TMEM132B: variants seen among roughly 807,000 people sequenced by gnomAD.
TMEM132B encodes the protein transmembrane protein 132B.
Under a neutral mutation model 90.8 loss-of-function variants are expected in TMEM132B, and 18 were observed. That is an observed-to-expected ratio of 0.20 (90% CI 0.14 to 0.29). The LOEUF is 0.29. TMEM132B is among the 10% of genes least tolerant of loss of function. The probability of loss-of-function intolerance (pLI) is 1.00; values close to 1 mark genes in which losing one functional copy is unlikely to be tolerated. For missense variants in TMEM132B, 1,096 were observed against 1,326.8 expected, an observed-to-expected ratio of 0.83 and a Z score of 2.70; for synonymous variants, 504 against 523.3, an observed-to-expected ratio of 0.96 and a Z score of 0.50.
chr12:125,596,485 A>G (rs1283458065), intron 5 of TMEM132B, among the ~76,000 whole-genome samples: 1 of 152,212 alleles, frequency 6.6e-6, no homozygotes, highest in African/African-American at 2.4e-5. Context: ...TTCAACATTT[A>G]ACTTGAAATG....
At chr12:125,219,937 C>T (rs1873522100) in intron 1 of TMEM132B, among the ~76,000 whole-genome samples, 1 of 152,206 alleles carries the variant, frequency 6.6e-6, no homozygotes, top group African/African-American at 2.4e-5. Context: ...ATAGCGACAG[C>T]TAACATTTTT....
At chr12:125,507,945 T>A (rs923131020) in intron 3 of TMEM132B, among the ~76,000 whole-genome samples, 5 of 152,092 alleles carry the variant, frequency 3.3e-5, no homozygotes, top group African/African-American at 1.2e-4. Flanking sequence ...CAAGAGACGA[T>A]GGTGACTTGG....
chr12:125,223,386 C>T (rs1451071901), intron 1 of TMEM132B, among the ~76,000 whole-genome samples: 5 of 152,168 alleles, frequency 3.3e-5, no homozygotes, highest in Admixed American at 3.3e-4. Flanking sequence ...TAAGGATTGA[C>T]CTGTAGTTGC....
chr12:125,536,476 C>T (rs1429810877), intron 4 of TMEM132B, among the ~76,000 whole-genome samples: 7 of 152,162 alleles, frequency 4.6e-5, no homozygotes, highest in Middle Eastern at 3.2e-3. Context: ...TGAACTCACT[C>T]GCCAACACTG....
chr12:125,648,575 G>T (rs1886828429), intron 6 of TMEM132B, among the ~76,000 whole-genome samples: 2 of 141,198 alleles, frequency 1.4e-5, no homozygotes, highest in South Asian at 2.3e-4. Flanking sequence ...AGCTTTTAGT[G>T]AATTTCTAAT....
intron 4 of TMEM132B, among the ~76,000 whole-genome samples, chr12:125,569,732 C>G (rs574481187): frequency 6.6e-6 from 1 of 152,066 alleles, no homozygotes; most frequent in South Asian, 2.1e-4. Flanking sequence ...GGAACCAGCA[C>G]GGGAGCTCCT....
At chr12:125,235,802 C>CTTTT (rs61643412) in intron 1 of TMEM132B, among the ~76,000 whole-genome samples, 147 of 107,384 alleles carry the variant, frequency 1.4e-3, no homozygotes, top group African/African-American at 4.2e-3. Flanking sequence ...CACTTCATTC[C>CTTTT]TTTTTTTTTT....
chr12:125,628,346 G>A (rs993508324), intron 5 of TMEM132B, among the ~76,000 whole-genome samples: 1 of 152,144 alleles, frequency 6.6e-6, no homozygotes, highest in South Asian at 2.1e-4. Context: ...CATTTTAACT[G>A]GGGTGAGATA....
chr12:125,493,896 A>G (rs1228826798), intron 3 of TMEM132B, among the ~76,000 whole-genome samples: 2 of 136,968 alleles, frequency 1.5e-5, no homozygotes, highest in South Asian at 2.4e-4. Context: ...CCTCCCTGGA[A>G]ATGGCCATGT....
intron 1 of TMEM132B, among the ~76,000 whole-genome samples, chr12:125,258,371 T>C (rs1283582744): frequency 6.6e-6 from 1 of 152,204 alleles, no homozygotes; most frequent in African/African-American, 2.4e-5. Flanking sequence ...CTGGGAAGGC[T>C]CTATGCTGGT....
At chr12:125,533,407 C>T (rs1256551000) in intron 4 of TMEM132B, among the ~76,000 whole-genome samples, 1 of 152,252 alleles carries the variant, frequency 6.6e-6, no homozygotes, top group East Asian at 1.9e-4. Flanking sequence ...ATTACAGCCT[C>T]TCCCCTTCCC....
At chr12:125,425,895 G>A (rs75114801) in intron 3 of TMEM132B, among the ~76,000 whole-genome samples, 3,531 of 152,276 alleles carry the variant, frequency 0.023, 132 homozygotes, top group African/African-American at 0.079. Context: ...TATGATTAAT[G>A]CTACTATAAA....
chr12:125,346,075 C>A (rs1877352903), intron 1 of TMEM132B, among the ~76,000 whole-genome samples: 1 of 152,118 alleles, frequency 6.6e-6, no homozygotes, highest in Admixed American at 6.5e-5. Flanking sequence ...TATGGCTTTC[C>A]ATATACACTT....
At position 125,498,114 on chromosome 12, in the gene TMEM132B, C is replaced by A. The variant is rs1011607145; in HGVS notation, c.1107-21325C>A. Among the ~76,000 whole-genome samples, 2 of 152,214 alleles carry A rather than the reference C, an allele frequency of 1.3e-5. No homozygotes were observed. Among genetic ancestry groups the A allele is most frequent in the African/African-American group, 4.8e-5 (2 of 41,456 alleles). ...CACACGCTGCTTTATTTACCACTCACTGGCCAAAATTGATCCACATGACCC... is the reference window on the plus strand; with the variant it reads ...CACACGCTGCTTTATTTACCACTCAATGGCCAAAATTGATCCACATGACCC... On this transcript the variant is annotated intron_variant, in intron 3 of 8. Transcript: ENST00000682704. The surrounding 1 kb of genome is among the most constrained non-coding windows in gnomAD (Gnocchi z 4.5).
At chr12:125,618,111 G>C (rs1313798658) in intron 5 of TMEM132B, among the ~76,000 whole-genome samples, 2 of 152,092 alleles carry the variant, frequency 1.3e-5, no homozygotes, top group Non-Finnish European at 2.9e-5. Context: ...TGAGACACCA[G>C]GTGCAGTGGT....
At chr12:125,298,135 G>A (rs1016539541) in intron 1 of TMEM132B, among the ~76,000 whole-genome samples, 10 of 152,146 alleles carry the variant, frequency 6.6e-5, no homozygotes, top group Admixed American at 2.0e-4. Flanking sequence ...GCGAGCCTGT[G>A]TTCCCAGCTA....
Position 125,252,442 on chromosome 12 carries a change from G to A in TMEM132B, c.67+65576G>A, listed in dbSNP as rs375404063. On this transcript the variant is annotated intron_variant, in intron 1 of 8. Transcript: ENST00000682704. ...CTGTCTCTGGTTCTCATTTCCAAGG[G>A]TCCAGGAGAGAGAATCTGATTGGCT... 2.8e-4 allele frequency among the ~76,000 whole-genome samples: 42 copies of A among 152,188 alleles called. 1 individual carries two copies. The highest frequency in any genetic ancestry group is 9.4e-4 in the African/African-American group (39 of 41,514).
chr12:125,494,244 G>C (rs1593173645), intron 3 of TMEM132B, among the ~76,000 whole-genome samples: 1 of 92,218 alleles, frequency 1.1e-5, no homozygotes, highest in African/African-American at 4.4e-5. Flanking sequence ...AAATGGCCGT[G>C]TCCCTCTTCC....
chr12:125,651,579 A>C (rs1438779772), intron 7 of TMEM132B, among the ~76,000 whole-genome samples: 1 of 152,222 alleles, frequency 6.6e-6, no homozygotes, highest in African/African-American at 2.4e-5. Context: ...TGGATGAAAC[A>C]TGGTATGTTC....
Sources: allele counts gnomAD v4.1 joint callset (sites outside exome capture counted in the v4.1 genomes callset), GRCh38; gene constraint gnomAD v4.1.1; non-coding constraint Gnocchi (gnomAD v3.1); transcripts MANE v1.5; gene names NCBI Gene and HGNC (gene_info 2026-07-23, HGNC 2026-07-21).